Variants in CRHR2 observed in about 807,000 individuals in gnomAD.
CRHR2 encodes corticotropin releasing hormone receptor 2, also known as corticotropin-releasing hormone receptor 2.
CRHR2 carries 53 observed loss-of-function variants against 57.9 expected under a neutral mutation model. The observed-to-expected ratio is 0.92, with a 90% CI of 0.73 to 1.15. The LOEUF (loss-of-function observed/expected upper bound fraction) is 1.15. Ranked by LOEUF, CRHR2 falls within the 50% of genes most tolerant of loss-of-function variation. The pLI is 0.00. For missense variants in CRHR2, 532 were observed against 542.6 expected, an observed-to-expected ratio of 0.98 and a Z score of 0.19; for synonymous variants, 213 against 220.9, an observed-to-expected ratio of 0.96 and a Z score of 0.32.
intron 2 of CRHR2, among the ~76,000 whole-genome samples, chr7:30,671,049 C>T (rs1462638276): frequency 6.6e-6 from 1 of 152,182 alleles, no homozygotes; most frequent in Non-Finnish European, 1.5e-5. Flanking sequence ...TGGGGTGGTC[C>T]TGAAGCCTGG....
intron 2 of CRHR2, among the ~76,000 whole-genome samples, chr7:30,687,785 A>T (rs1784885026): frequency 6.6e-6 from 1 of 152,150 alleles, no homozygotes; most frequent in African/African-American, 2.4e-5. Context: ...AGGCAGGGAG[A>T]AGGCTATGGG....
upstream of CRHR2, among the ~76,000 whole-genome samples, chr7:30,686,854 G>A (rs747523934): frequency 9.9e-5 from 15 of 152,138 alleles, no homozygotes; most frequent in Non-Finnish European, 1.9e-4. Flanking sequence ...TCATAGATTC[G>A]TGACCCTTTG....
chr7:30,681,172 T>C (rs974847725), intron 2 of CRHR2, among the ~76,000 whole-genome samples: 10 of 152,036 alleles, frequency 6.6e-5, no homozygotes, highest in Non-Finnish European at 1.5e-4. Flanking sequence ...CTACTGCCCT[T>C]TTCCCCAGAG....
intron 7 of CRHR2, among the ~76,000 whole-genome samples, chr7:30,661,114 G>T (rs771612906): frequency 1.3e-4 from 20 of 152,222 alleles, no homozygotes; most frequent in Non-Finnish European, 2.8e-4. Flanking sequence ...CCTCCAGCCT[G>T]GGATTTTGCG....
Position 30,655,645 on chromosome 7 carries a change from G to A in CRHR2, c.988C>T (p.Pro330Ser). ...GITYMLFFVN[P>S]GEDDLSQIMF... The stretch of plus-strand genomic sequence containing the variant: ...ATCTGTGACAGGTCGTCCTCCCCGG[G>A]ATTGACGAAGAAGAGCATGTAGGTG... The change falls in exon 10 of 12, where the codon CCC (proline) becomes TCC (serine). Residue 330 changes from proline (P) to serine (S), a missense_variant. Transcript: ENST00000471646. 6.2e-7 allele frequency: 1 copy of A among 1,614,172 alleles called. No homozygotes were observed. The highest frequency in any genetic ancestry group is 8.5e-7 in the Non-Finnish European group (1 of 1,179,996).
At position 30,653,586 on chromosome 7, in the gene CRHR2, C is replaced by T. The variant is rs1405764856; in HGVS notation, c.1110G>A (p.Val370=). The change falls in exon 12 of 12, where the codon GTG becomes GTA. Residue 370 remains valine (V), a synonymous_variant. Coordinates refer to ENST00000471646, the MANE Select transcript of CRHR2 (RefSeq NM_001883.5). This position sits in a 1 kb window ranked among gnomAD's most constrained non-coding sequence, Gnocchi z 5.0. ...CCTGCCAGCGGTGCCACCTCTTCCT[C>T]ACGGCTGAGCGCACCTGTGGGGAAG... ...CFFNGEVRSA[V]RKRWHRWQDH... The T allele has an allele frequency of 6.2e-7, 1 of 1,611,092 alleles. No individual in the cohort carries two copies. Among genetic ancestry groups the T allele is most frequent in the Non-Finnish European group, 8.5e-7 (1 of 1,179,592 alleles).
upstream of CRHR2, among the ~76,000 whole-genome samples, chr7:30,685,511 G>A (rs1162279392): frequency 6.6e-6 from 1 of 152,280 alleles, no homozygotes; most frequent in East Asian, 1.9e-4. Flanking sequence ...AGGGCACAGA[G>A]GTTCCAGAGG....
At chr7:30,683,919 A>AGGCTGCTTTT (rs1308088070), upstream of CRHR2, among the ~76,000 whole-genome samples, 1 of 152,220 alleles carries the variant, frequency 6.6e-6, no homozygotes, top group African/African-American at 2.4e-5. Flanking sequence ...AGCAGCAGGC[A>AGGCTGCTTTT]GGCTGCTTTT....
intron 11 of CRHR2, chr7:30,654,769 C>G (rs1320046965): frequency 6.5e-7 from 1 of 1,536,600 alleles, no homozygotes; most frequent in Admixed American, 2.0e-5. Context: ...TTCTCTCTTC[C>G]ATGAGGCCCT....
intron 2 of CRHR2, among the ~76,000 whole-genome samples, chr7:30,679,578 G>A (rs1040713446): frequency 3.3e-5 from 5 of 152,134 alleles, no homozygotes; most frequent in African/African-American, 1.2e-4. Context: ...TTGAAAAATC[G>A]CAGAGACTAA....
rs773353255 is a variant in CRHR2 at position 30,662,697 on chromosome 7, A to C, written c.694T>G (p.Trp232Gly). 6.2e-7 allele frequency: 1 copy of C among 1,613,638 alleles called. No homozygotes were observed. The highest frequency in any genetic ancestry group is 8.5e-7 in the Non-Finnish European group (1 of 1,179,658). The change falls in exon 6 of 12, where the codon TGG becomes GGG. Residue 232 changes from tryptophan to glycine, a missense_variant. Physicochemically the swap from Trp to Gly is radical, Grantham distance 184 (BLOSUM62 -2). Transcript: ENST00000471646. The stretch of plus-strand genomic sequence containing the variant: ...CTGCTGCCCCTGGGACCCTCACACC[A>C]TCCGATGAAGAGGAAGAGGCACTTG... ...LRKCLFLFIGWCIPFPIIVAW... is the reference protein window; with the variant it reads ...LRKCLFLFIGGCIPFPIIVAW...
upstream of CRHR2, chr7:30,682,608 T>G: frequency 1.3e-6 from 1 of 795,632 alleles, no homozygotes; most frequent in Non-Finnish European, 1.6e-6. Context: ...CTGCCCAAAG[T>G]ACGGCTTCTC....
exon 1 of CRHR2, chr7:30,700,079 C>A (rs1416123323): frequency 1.1e-5 from 14 of 1,276,826 alleles, no homozygotes; most frequent in Non-Finnish European, 1.4e-5. Flanking sequence ...CTGCCCAGCA[C>A]GGTGGTCACA....
chr7:30,689,414 A>G, intron 1 of CRHR2: 1 of 780,664 alleles, frequency 1.3e-6, no homozygotes, highest in Non-Finnish European at 2.1e-6. Flanking sequence ...ACAAGGAGGG[A>G]GATGCCCATG....
Position 30,681,915 on chromosome 7 carries a change from G to T in CRHR2, c.229C>A (p.Arg77=). The T allele has an allele frequency of 1.2e-6, 2 of 1,608,694 alleles. No individual in the cohort carries two copies. The highest frequency in any genetic ancestry group is 1.7e-6 in the Non-Finnish European group (2 of 1,177,958). Reference sequence around the variant, plus strand: ...GGCAGCGAGGGCCGGGGGCACTCACGGGTCGTGTTGTACTTGACGCCGTTG... The same window carrying T: ...GGCAGCGAGGGCCGGGGGCACTCACTGGTCGTGTTGTACTTGACGCCGTTG... The part of the protein sequence containing the change: ...YFNGVKYNTT[R]NAYRECLENG... The change falls in exon 2 of 12, where the codon CGG becomes AGG. Residue 77 remains arginine, a splice_region_variant and synonymous_variant. Coordinates refer to ENST00000471646, the MANE Select transcript of CRHR2 (RefSeq NM_001883.5).
intron 1 of CRHR2, among the ~76,000 whole-genome samples, chr7:30,690,638 T>A (rs1784942879): frequency 6.6e-6 from 1 of 152,182 alleles, no homozygotes; most frequent in Non-Finnish European, 1.5e-5. Flanking sequence ...AAACATCACG[T>A]TCTCCACATT....
Position 30,655,717 on chromosome 7 carries a change from T to C in CRHR2, c.918-2A>G, listed in dbSNP as rs1421193207. ...ACCAGGGTGGCCTTCACTGCCTTCC[T>C]GGGGGCGAGAGGTGGACACAGGTCT... On this transcript the variant is annotated splice_acceptor_variant, in intron 9 of 11. Transcript: ENST00000471646. LOFTEE classifies it high-confidence loss of function. 1 of 1,612,932 alleles carries C rather than the reference T, an allele frequency of 6.2e-7. No individual in the cohort carries two copies. Among genetic ancestry groups the C allele is most frequent in the East Asian group, 2.2e-5 (1 of 44,880 alleles).
rs992276660 is a variant in CRHR2 at position 30,652,027 on chromosome 7, C to G, written c.*1433G>C. ...AATCACACCTTTGAAGGATTTAAAACTTAAGTAAAAAATACTACATGTCAA... is the reference window on the plus strand; with the variant it reads ...AATCACACCTTTGAAGGATTTAAAAGTTAAGTAAAAAATACTACATGTCAA... On this transcript the variant is annotated 3_prime_UTR_variant, in exon 12 of 12. Coordinates refer to ENST00000471646, the MANE Select transcript of CRHR2 (RefSeq NM_001883.5). The surrounding 1 kb of genome is among the most constrained non-coding windows in gnomAD (Gnocchi z 4.4). 6.6e-6 allele frequency: 1 copy of G among 152,140 alleles called. No homozygotes were observed. The highest frequency in any genetic ancestry group is 1.5e-5 in the Non-Finnish European group (1 of 68,034). 9.4% of individuals were successfully genotyped at this position (152,140 alleles called of 1,614,324 possible).
At chr7:30,673,214 C>CTTT (rs58334246) in intron 2 of CRHR2, among the ~76,000 whole-genome samples, 1 of 146,584 alleles carries the variant, frequency 6.8e-6, no homozygotes, top group Non-Finnish European at 1.5e-5. Context: ...TTCTTACCTA[C>CTTT]TTTTTTTTTT....
Sources: gnomAD v4.1 joint callset for allele counts (sites outside exome capture counted in the v4.1 genomes callset) on GRCh38, gnomAD v4.1.1 for gene constraint, Gnocchi (gnomAD v3.1) non-coding constraint, MANE v1.5 for transcripts, NCBI Gene and HGNC (gene_info 2026-07-23, HGNC 2026-07-21) for gene names.